Variants in GLI3 observed in about 807,000 individuals in gnomAD.
GLI3 encodes the protein GLI family zinc finger 3, also known as transcription activator GLI3.
A neutral mutation model predicts 100.8 loss-of-function variants in GLI3; 20 were observed. The observed-to-expected ratio is 0.20, with a 90% CI of 0.14 to 0.29. The LOEUF (loss-of-function observed/expected upper bound fraction) is 0.29. GLI3 is among the 10% of genes least tolerant of loss of function. The pLI is 1.00. For missense variants in GLI3, 2,040 were observed against 2,128.5 expected (o/e 0.96, Z 0.82); for synonymous variants, 938 against 860.5 (o/e 1.09, Z -1.58).
chr7:42,221,897 T>G (rs1788493632), intron 2 of GLI3, among the ~76,000 whole-genome samples: 1 of 152,224 alleles, frequency 6.6e-6, no homozygotes, highest in African/African-American at 2.4e-5. Context: ...CACATATATG[T>G]AAATTCATTA....
At chr7:41,982,845 A>C (rs1358717674) in intron 10 of GLI3, among the ~76,000 whole-genome samples, 1 of 152,236 alleles carries the variant, frequency 6.6e-6, no homozygotes, top group Admixed American at 6.5e-5. Context: ...ACCTTTGGAC[A>C]GACCAATTCA....
intron 4 of GLI3, among the ~76,000 whole-genome samples, chr7:42,074,477 G>A (rs1481417102): frequency 6.6e-6 from 1 of 152,174 alleles, no homozygotes; most frequent in African/African-American, 2.4e-5. Flanking sequence ...CAAGCAAGAG[G>A]AAAAGCATCA....
chr7:42,080,476 G>A lies in GLI3; in HGVS notation c.368-3619C>T, dbSNP rs569149335. ...GGTTTAAGTGTCTCACTGTTTCTAC[G>A]TTTCCCCTCTTGATTAAATTTAAAA... is the stretch of plus-strand genomic sequence containing the variant. On this transcript the variant is annotated intron_variant, in intron 3 of 14. Transcript: ENST00000395925. Among the ~76,000 whole-genome samples, 37 of 152,254 alleles carry A rather than the reference G, an allele frequency of 2.4e-4. 1 individual carries two copies. In the South Asian group the frequency reaches 7.0e-3, roughly 29 times the overall value.
intron 3 of GLI3, among the ~76,000 whole-genome samples, chr7:42,122,222 A>ATT (rs1786019261): frequency 6.8e-6 from 1 of 146,060 alleles, no homozygotes; most frequent in Admixed American, 6.9e-5. Context: ...TATAATTTAT[A>ATT]TTTTATATAT....
chr7:42,064,126 C>G (rs537839902), intron 4 of GLI3, among the ~76,000 whole-genome samples: 1 of 152,076 alleles, frequency 6.6e-6, no homozygotes, highest in East Asian at 1.9e-4. Flanking sequence ...GAAGTATGAC[C>G]ACCATTCAGG....
rs761495829 is a variant in GLI3, at chr7:41,965,203, C to T, written c.3870G>A (p.Gly1290=). ...CCGGCAGGCCGAAATTCAGCTGGCC[C>T]CCGCTCCCTTGCATGGGGGTGCTCT... ...KLKSTPMQGS[G]GQLNFGLPVA... is the part of the protein sequence containing the mutation. The change falls in exon 15 of 15, where the codon GGG becomes GGA. Residue 1290 remains glycine (G), a synonymous_variant. Coordinates refer to ENST00000395925, the MANE Select transcript of GLI3 (RefSeq NM_000168.6). The T allele has an allele frequency of 6.2e-7, 1 of 1,613,894 alleles. No homozygotes were observed.
intron 2 of GLI3, among the ~76,000 whole-genome samples, chr7:42,155,197 T>C (rs2128790586): frequency 6.6e-6 from 1 of 152,190 alleles, no homozygotes; most frequent in South Asian, 2.1e-4. Context: ...CCCAGCACTT[T>C]GGGAGGCCGA....
At chr7:42,021,906 T>C (rs574796510) in intron 10 of GLI3, among the ~76,000 whole-genome samples, 2 of 152,300 alleles carry the variant, frequency 1.3e-5, no homozygotes, top group South Asian at 4.1e-4. Flanking sequence ...TTCCCCATAA[T>C]AAAACAAAAA....
rs556382769 is a variant in GLI3 at position 41,997,892 on chromosome 7, T to G, written c.1498-19144A>C. Among the ~76,000 whole-genome samples, 14 of 152,324 alleles carry G rather than the reference T, an allele frequency of 9.2e-5. 1 individual carries two copies. The highest frequency in any genetic ancestry group is 3.4e-4 in the African/African-American group (14 of 41,570). ...CAGTTAAGCCGTTCACCAATCCAGATGCACTGAAAAGATTTTCTCAATTTA... is the reference window on the plus strand; with the variant it reads ...CAGTTAAGCCGTTCACCAATCCAGAGGCACTGAAAAGATTTTCTCAATTTA... On this transcript the variant is annotated intron_variant, in intron 10 of 14. Transcript: ENST00000395925.
chr7:42,086,562 C>A (rs898380938), intron 3 of GLI3, among the ~76,000 whole-genome samples: 4 of 152,116 alleles, frequency 2.6e-5, no homozygotes, highest in Non-Finnish European at 5.9e-5. Flanking sequence ...GTCCAGGACA[C>A]CTCCCCATCC....
intron 7 of GLI3, among the ~76,000 whole-genome samples, chr7:42,039,259 A>T (rs564945195): frequency 1.3e-5 from 2 of 152,314 alleles, no homozygotes; most frequent in South Asian, 4.1e-4. Context: ...TTTATTCCCT[A>T]CTTACTGACA....
At chr7:42,229,571 A>G (rs561397128) in intron 1 of GLI3, among the ~76,000 whole-genome samples, 14 of 152,358 alleles carry the variant, frequency 9.2e-5, no homozygotes, top group South Asian at 4.1e-4. Flanking sequence ...GCAGCTTGTC[A>G]TAAGGATTTT....
chr7:41,980,435 C>CCA (rs925629923), intron 10 of GLI3, among the ~76,000 whole-genome samples: 2 of 152,212 alleles, frequency 1.3e-5, no homozygotes, highest in Non-Finnish European at 2.9e-5. Context: ...GCCTTGGAAA[C>CCA]CAAGCTCACA....
At chr7:41,996,340 G>A (rs1050684944) in intron 10 of GLI3, among the ~76,000 whole-genome samples, 13 of 151,870 alleles carry the variant, frequency 8.6e-5, no homozygotes, top group African/African-American at 2.4e-4. Context: ...TCAGAGCCAC[G>A]GCCAATCCAC....
At chr7:42,161,731 G>A (rs1431989798) in intron 2 of GLI3, among the ~76,000 whole-genome samples, 2 of 152,154 alleles carry the variant, frequency 1.3e-5, no homozygotes, top group Non-Finnish European at 2.9e-5. Flanking sequence ...GACCTAGTGT[G>A]GCACATACAT....
At chr7:42,161,476 C>A (rs1022376130) in intron 2 of GLI3, among the ~76,000 whole-genome samples, 1 of 152,118 alleles carries the variant, frequency 6.6e-6, no homozygotes, top group Admixed American at 6.5e-5. Context: ...CAGGATATGA[C>A]AACAACACCC....
chr7:42,226,073 A>G (rs1423204138), intron 1 of GLI3, among the ~76,000 whole-genome samples: 1 of 152,200 alleles, frequency 6.6e-6, no homozygotes, highest in Non-Finnish European at 1.5e-5. Flanking sequence ...ATTCTATAAA[A>G]ACTAAAAACT....
chr7:41,964,801 C>T lies in GLI3; in HGVS notation c.4272G>A (p.Glu1424=), dbSNP rs1463254745. ...ACAGCGGATGGGGCTGCCCTTTCAT[C>T]TCCATCTTGATACCATTCACCCTGC... The part of the protein sequence containing the change: ...QTCRVNGIKM[E]MKGQPHPLCS... Residue 1424 remains glutamate, a synonymous_variant, in exon 15 of 15, where the codon GAG becomes GAA. Coordinates refer to ENST00000395925, the MANE Select transcript of GLI3 (RefSeq NM_000168.6). 3 of 1,613,936 alleles carry T rather than the reference C, an allele frequency of 1.9e-6. No homozygotes were observed. The African/African-American group carries it at 4.0e-5, about 22-fold the overall frequency.
At position 42,209,986 on chromosome 7, in the gene GLI3, G is replaced by GAAAAAA. The variant is rs749477443; in HGVS notation, c.124+13138_124+13143dup. Among the ~76,000 whole-genome samples the GAAAAAA allele has an allele frequency of 7.8e-4, 26 of 33,272 alleles. 1 individual carries two copies. Among genetic ancestry groups the GAAAAAA allele is most frequent in the African/African-American group, 1.3e-3 (9 of 6,716 alleles). 21.8% of individuals were successfully genotyped at this position (33,272 alleles called of 152,430 possible). ...GGGTCATACATCTCTTTAAGAATCT[G>GAAAAAA]AAAAAAAAAAAAAAAAAAAAAAAAA... On this transcript the variant is annotated intron_variant, in intron 2 of 14. Transcript: ENST00000395925.
Sources: allele counts gnomAD v4.1 joint callset (sites outside exome capture counted in the v4.1 genomes callset), GRCh38; gene constraint gnomAD v4.1.1; transcripts MANE v1.5; gene names NCBI Gene and HGNC (gene_info 2026-07-23, HGNC 2026-07-21).